CADPS: variants seen among roughly 807,000 people sequenced by gnomAD.
CADPS encodes calcium-dependent secretion activator 1.
In CADPS, 57 loss-of-function variants were observed where a neutral mutation model predicts 167.3. The observed-to-expected ratio is 0.34, with a 90% CI of 0.28 to 0.42. The LOEUF (loss-of-function observed/expected upper bound fraction) is 0.42. CADPS is among the 20% of genes least tolerant of loss of function. The pLI is 1.00. For missense variants in CADPS, 1,414 were observed against 1,738.1 expected, an observed-to-expected ratio of 0.81 and a Z score of 3.32; for synonymous variants, 676 against 635.3, an observed-to-expected ratio of 1.06 and a Z score of -0.96.
intron 1 of CADPS, among the ~76,000 whole-genome samples, chr3:62,838,476 T>C (rs1265197614): frequency 1.3e-5 from 2 of 152,172 alleles, no homozygotes; most frequent in African/African-American, 4.8e-5. Flanking sequence ...TACACAGTTT[T>C]TAGGGAATCT....
intron 5 of CADPS, among the ~76,000 whole-genome samples, 172 bp from the exon 6 acceptor site, chr3:62,646,015 C>T (rs1322676170): frequency 2.0e-5 from 3 of 152,190 alleles, no homozygotes; most frequent in Non-Finnish European, 4.4e-5. Flanking sequence ...TGCAATTCCT[C>T]ATAGTGTAGC....
chr3:62,654,533 C>G (rs542667533), intron 4 of CADPS, among the ~76,000 whole-genome samples: 2 of 152,132 alleles, frequency 1.3e-5, no homozygotes, highest in African/African-American at 4.8e-5. Flanking sequence ...AAGGTGTATA[C>G]AACTTTACAT....
At chr3:62,720,064 A>G (rs547036338) in intron 3 of CADPS, among the ~76,000 whole-genome samples, 1 of 152,312 alleles carries the variant, frequency 6.6e-6, no homozygotes, top group African/African-American at 2.4e-5. Flanking sequence ...AAACACAACA[A>G]AGAAATAAAC....
At chr3:62,749,463 G>T (rs1235140521) in intron 3 of CADPS, among the ~76,000 whole-genome samples, 2 of 152,148 alleles carry the variant, frequency 1.3e-5, no homozygotes, top group African/African-American at 4.8e-5. Flanking sequence ...AGCACATTTT[G>T]GGTTTGGGAA....
At chr3:62,834,608 CT>C (rs2075632871) in intron 1 of CADPS, among the ~76,000 whole-genome samples, 1 of 152,160 alleles carries the variant, frequency 6.6e-6, no homozygotes, top group African/African-American at 2.4e-5. Flanking sequence ...CATACTATTA[CT>C]GTAGAGAGTT....
intron 3 of CADPS, among the ~76,000 whole-genome samples, chr3:62,663,257 T>C (rs1225720149): frequency 6.6e-6 from 1 of 152,156 alleles, no homozygotes. Flanking sequence ...ATAGATAATA[T>C]ATAAGTGAAT....
chr3:62,606,633 A>T (rs933756100), intron 6 of CADPS, among the ~76,000 whole-genome samples: 4 of 152,240 alleles, frequency 2.6e-5, no homozygotes, highest in Non-Finnish European at 5.9e-5. Flanking sequence ...AGACCAAGAC[A>T]GTCTCCTAGG....
intron 1 of CADPS, among the ~76,000 whole-genome samples, chr3:62,824,960 A>G (rs997048684): frequency 1.3e-5 from 2 of 152,138 alleles, no homozygotes; most frequent in Non-Finnish European, 2.9e-5. Context: ...TTTACATACC[A>G]ACACACACAT....
intron 1 of CADPS, among the ~76,000 whole-genome samples, chr3:62,795,279 T>C (rs1453671364): frequency 1.3e-5 from 2 of 152,064 alleles, no homozygotes; most frequent in African/African-American, 2.4e-5. Flanking sequence ...CTCTTCCTAA[T>C]CTAAATCTCT....
chr3:62,821,364 A>G (rs958706351), intron 1 of CADPS, among the ~76,000 whole-genome samples: 1 of 152,168 alleles, frequency 6.6e-6, no homozygotes. Flanking sequence ...GCTTAAAACA[A>G]CAGAAATATA....
intron 2 of CADPS, among the ~76,000 whole-genome samples, chr3:62,754,731 T>C (rs1279539922): frequency 1.3e-5 from 2 of 152,204 alleles, no homozygotes; most frequent in Non-Finnish European, 1.5e-5. Context: ...GAGGATTAAA[T>C]GTGTTAATGT....
intron 1 of CADPS, among the ~76,000 whole-genome samples, chr3:62,809,911 A>G (rs2152859053): frequency 6.6e-6 from 1 of 152,318 alleles, no homozygotes; most frequent in East Asian, 1.9e-4. Context: ...ACGTCTTAAC[A>G]TAAAACATTG....
chr3:62,815,271 A>G (rs2094561024), intron 1 of CADPS, among the ~76,000 whole-genome samples: 1 of 139,708 alleles, frequency 7.2e-6, no homozygotes, highest in African/African-American at 2.7e-5. Context: ...TCTACACATA[A>G]TGAACATCAT....
At chr3:62,724,976 G>A (rs949168149) in intron 3 of CADPS, among the ~76,000 whole-genome samples, 2 of 152,246 alleles carry the variant, frequency 1.3e-5, no homozygotes, top group Non-Finnish European at 2.9e-5. Context: ...TCTGACTGTA[G>A]TGAGAGTGCT....
In CADPS at chr3:62,438,001, C is replaced by A. The variant is rs1275565507; in HGVS notation, c.3777+103G>T. 8.1e-6 allele frequency: 6 copies of A among 738,536 alleles called. No homozygotes were observed. The highest frequency in any genetic ancestry group is 1.8e-5 in the African/African-American group (1 of 56,986). 45.7% of individuals were successfully genotyped at this position (738,536 alleles called of 1,614,324 possible). A position where few individuals can be genotyped will look rare whatever the true frequency, so the allele number is the denominator to read the frequency against. ...GAAAAGATTTAGTCTGAATCAGAAC[C>A]AATCCATTTTCTCAAAATGTGACTT... On this transcript the variant is annotated intron_variant, in intron 28 of 29. Transcript: ENST00000383710. The surrounding 1 kb of genome is among the most constrained non-coding windows in gnomAD (Gnocchi z 4.7).
At chr3:62,418,324 CTT>C (rs1227861106) in intron 28 of CADPS, among the ~76,000 whole-genome samples, 45 of 115,046 alleles carry the variant, frequency 3.9e-4, no homozygotes, top group African/African-American at 1.0e-3. Context: ...TTTTTTCTCT[CTT>C]TTTTTTTTTT....
intron 1 of CADPS, chr3:62,814,554 G>C (rs146384660): frequency 2.0e-5 from 3 of 152,022 alleles, no homozygotes; most frequent in Non-Finnish European, 2.9e-5. Flanking sequence ...CTAAATCTGT[G>C]TGTTTCACAT....
intron 11 of CADPS, among the ~76,000 whole-genome samples, chr3:62,543,408 C>G (rs1007106838): frequency 6.6e-6 from 1 of 152,066 alleles, no homozygotes; most frequent in East Asian, 1.9e-4. Flanking sequence ...TTGTTTAGAA[C>G]AGAATTCATT....
intron 7 of CADPS, among the ~76,000 whole-genome samples, chr3:62,589,057 C>T (rs533206761): frequency 5.0e-5 from 7 of 140,268 alleles, no homozygotes; most frequent in Non-Finnish European, 7.8e-5. Context: ...AACTTGTTTT[C>T]ACAATGTGCA....
Sources: gnomAD v4.1 joint callset for allele counts (sites outside exome capture counted in the v4.1 genomes callset) on GRCh38, gnomAD v4.1.1 for gene constraint, Gnocchi (gnomAD v3.1) non-coding constraint, MANE v1.5 for transcripts, NCBI Gene and HGNC (gene_info 2026-07-23, HGNC 2026-07-21) for gene names.